Variants in BCKDHB observed in about 807,000 individuals in gnomAD.
BCKDHB encodes the protein branched chain keto acid dehydrogenase E1 subunit beta.
BCKDHB carries 41 observed loss-of-function variants against 48.5 expected under a neutral mutation model. The observed-to-expected ratio is 0.85, with a 90% CI of 0.66 to 1.10. BCKDHB has a LOEUF of 1.10. Among genes scored for constraint, BCKDHB ranks in the 50% least tolerant of loss-of-function variants. The probability of loss-of-function intolerance (pLI) is 0.00; values close to 1 mark genes in which losing one functional copy is unlikely to be tolerated. For synonymous variants in BCKDHB, 201 were observed against 174.8 expected (o/e 1.15, Z -1.18); for missense variants, 496 against 494.2 (o/e 1.00, Z -0.03).
At chr6:80,127,835 T>TA (rs1770425820) in intron 2 of BCKDHB, among the ~76,000 whole-genome samples, 1 of 152,220 alleles carries the variant, frequency 6.6e-6, no homozygotes, top group Admixed American at 6.5e-5. Flanking sequence ...AGCTTTCTCT[T>TA]ACAGTGTGTG....
chr6:80,201,048 C>A lies in BCKDHB; in HGVS notation c.840+17C>A. Reference sequence around the variant, plus strand: ...GGCACTCAGGTGAGTAGCATTGATCCCAACTGTTAAAACCTACGTTGTGCT... The same window carrying A: ...GGCACTCAGGTGAGTAGCATTGATCACAACTGTTAAAACCTACGTTGTGCT... On this transcript the variant is annotated intron_variant, in intron 7 of 9. Coordinates refer to ENST00000320393, the MANE Select transcript of BCKDHB (RefSeq NM_183050.4). The A allele has an allele frequency of 1.3e-6, 2 of 1,567,186 alleles. No homozygotes were observed. The highest frequency in any genetic ancestry group is 1.8e-6 in the Non-Finnish European group (2 of 1,137,710).
At chr6:80,424,430 C>T in the BCKDHB span, among the ~76,000 whole-genome samples, 1 of 152,060 alleles carries the variant, frequency 6.6e-6, no homozygotes, top group African/African-American at 2.4e-5. Context: ...CTTATAATTG[C>T]TTCCTAGTTT....
the BCKDHB span, among the ~76,000 whole-genome samples, chr6:80,437,715 C>T: frequency 6.6e-6 from 1 of 152,264 alleles, no homozygotes; most frequent in Middle Eastern, 3.4e-3. Context: ...GATGATAAAT[C>T]CCACAGTAAC....
the BCKDHB span, among the ~76,000 whole-genome samples, chr6:80,427,517 C>T: frequency 6.6e-6 from 1 of 152,072 alleles, no homozygotes; most frequent in Non-Finnish European, 1.5e-5. Context: ...TTTTAAAAGA[C>T]TTTACATTTA....
chr6:80,364,172 T>G, the BCKDHB span, among the ~76,000 whole-genome samples: 1 of 152,256 alleles, frequency 6.6e-6, no homozygotes, highest in Non-Finnish European at 1.5e-5. Flanking sequence ...AGATTTACAG[T>G]GTGTATCACT....
intron 8 of BCKDHB, among the ~76,000 whole-genome samples, chr6:80,235,161 A>G (rs1378536966): frequency 1.3e-5 from 2 of 152,058 alleles, no homozygotes; most frequent in Non-Finnish European, 1.5e-5. Flanking sequence ...AAGATCTACA[A>G]TGTTCCTAAC....
At chr6:80,440,427 C>T in the BCKDHB span, among the ~76,000 whole-genome samples, 89 of 152,228 alleles carry the variant, frequency 5.8e-4, no homozygotes, top group Non-Finnish European at 1.0e-3. Context: ...TGGACAGCTT[C>T]TTTACCATAT....
chr6:80,205,835 T>G (rs1774626563), intron 8 of BCKDHB, among the ~76,000 whole-genome samples: 1 of 124,890 alleles, frequency 8.0e-6, no homozygotes, highest in East Asian at 2.1e-4. Flanking sequence ...TGTGTGTGTG[T>G]AGGTGGATTG....
chr6:80,364,691 C>T, the BCKDHB span, among the ~76,000 whole-genome samples: 1 of 152,088 alleles, frequency 6.6e-6, no homozygotes, highest in Admixed American at 6.5e-5. Context: ...AAAATAAAAA[C>T]TTGTTCAGAC....
At chr6:80,170,177 A>C (rs1562105843) in intron 5 of BCKDHB, among the ~76,000 whole-genome samples, 1 of 152,166 alleles carries the variant, frequency 6.6e-6, no homozygotes, top group Non-Finnish European at 1.5e-5. Flanking sequence ...TAATGTGTTC[A>C]GAGGTCCAGA....
At chr6:80,192,822 C>T (rs1582323590) in intron 6 of BCKDHB, among the ~76,000 whole-genome samples, 1 of 145,224 alleles carries the variant, frequency 6.9e-6, no homozygotes, top group South Asian at 2.2e-4. Flanking sequence ...TATTTGCCAA[C>T]TTTTTTTTTT....
At chr6:80,252,049 A>G (rs1214453803) in intron 8 of BCKDHB, among the ~76,000 whole-genome samples, 51 of 152,316 alleles carry the variant, frequency 3.3e-4, no homozygotes, top group Non-Finnish European at 2.9e-5. Context: ...TGTGTGCATT[A>G]TTTCATTTAA....
the BCKDHB span, among the ~76,000 whole-genome samples, chr6:80,363,615 A>G: frequency 1.3e-5 from 2 of 152,188 alleles, no homozygotes; most frequent in Non-Finnish European, 2.9e-5. Flanking sequence ...GATGATCTCA[A>G]TCTATGAACA....
chr6:80,440,712 T>C, the BCKDHB span: 1 of 151,920 alleles, frequency 6.6e-6, no homozygotes, highest in East Asian at 1.9e-4. Flanking sequence ...CGCTAAGGAC[T>C]CATTAGCTGG....
chr6:80,273,365 A>T (rs1372705893), intron 9 of BCKDHB, 144 bp downstream of exon 9: 4 of 643,774 alleles, frequency 6.2e-6, no homozygotes, highest in East Asian at 5.7e-5. Flanking sequence ...TGATAAGTAA[A>T]TTTTTTTTCA....
intron 8 of BCKDHB, among the ~76,000 whole-genome samples, chr6:80,266,972 A>G (rs992878460): frequency 7.9e-5 from 12 of 152,182 alleles, no homozygotes; most frequent in Admixed American, 7.9e-4. Flanking sequence ...TGAAGGAGAT[A>G]GTATAGAGAC....
the BCKDHB span, among the ~76,000 whole-genome samples, chr6:80,364,025 C>A: frequency 6.6e-6 from 1 of 152,180 alleles, no homozygotes; most frequent in African/African-American, 2.4e-5. Flanking sequence ...AAGTTGCTAA[C>A]AATTCACAAA....
intron 3 of BCKDHB, among the ~76,000 whole-genome samples, chr6:80,140,607 T>G (rs1253138108): frequency 6.6e-6 from 1 of 151,702 alleles, no homozygotes; most frequent in South Asian, 2.1e-4. Flanking sequence ...GGATTACATT[T>G]ATTGATTTGC....
At chr6:80,121,454 A>T (rs145674722) in intron 1 of BCKDHB, among the ~76,000 whole-genome samples, 1 of 152,254 alleles carries the variant, frequency 6.6e-6, no homozygotes, top group Admixed American at 6.5e-5. Flanking sequence ...TACTTTGGAC[A>T]GTATGGCCAT....
Sources: gnomAD v4.1 joint callset for allele counts (sites outside exome capture counted in the v4.1 genomes callset) on GRCh38, gnomAD v4.1.1 for gene constraint, MANE v1.5 for transcripts, NCBI Gene and HGNC (gene_info 2026-07-23, HGNC 2026-07-21) for gene names.